FSTL5: variants seen among roughly 807,000 people sequenced by gnomAD.
FSTL5 encodes the protein follistatin like 5.
In FSTL5, 62 loss-of-function variants were observed where a neutral mutation model predicts 89.1. The ratio of observed to expected loss-of-function variants is 0.70; its 90% CI spans 0.57 to 0.86. FSTL5 has a LOEUF of 0.86. FSTL5 is among the 40% of genes least tolerant of loss of function. FSTL5 has a pLI of 0.00. For synonymous variants in FSTL5, 383 were observed against 346.2 expected (o/e 1.11, Z -1.18); for missense variants, 1,057 against 1,001.6 (o/e 1.06, Z -0.75).
intron 6 of FSTL5, among the ~76,000 whole-genome samples, chr4:161,668,466 A>G (rs991489817): frequency 6.6e-6 from 1 of 152,200 alleles, no homozygotes; most frequent in Non-Finnish European, 1.5e-5. Context: ...TCAATCCCCT[A>G]CAATCTCTTT....
chr4:161,912,283 T>C (rs1733715634), intron 4 of FSTL5, among the ~76,000 whole-genome samples: 1 of 152,146 alleles, frequency 6.6e-6, no homozygotes, highest in African/African-American at 2.4e-5. Flanking sequence ...ATGAATATGG[T>C]AAGTGAAATA....
At chr4:161,583,310 T>C (rs984775844) in intron 8 of FSTL5, among the ~76,000 whole-genome samples, 3 of 152,204 alleles carry the variant, frequency 2.0e-5, no homozygotes, top group Non-Finnish European at 2.9e-5. Flanking sequence ...CACAGCCATT[T>C]TGAAGTCACA....
chr4:161,853,031 G>T (rs1206687378), intron 4 of FSTL5, among the ~76,000 whole-genome samples: 1 of 152,116 alleles, frequency 6.6e-6, no homozygotes, highest in African/African-American at 2.4e-5. Context: ...TTCTTGCCTT[G>T]TTCTTCTCTC....
intron 3 of FSTL5, among the ~76,000 whole-genome samples, chr4:161,947,088 T>A (rs1734756235): frequency 2.0e-5 from 3 of 151,876 alleles, no homozygotes; most frequent in Non-Finnish European, 4.4e-5. Context: ...TATACTGAAT[T>A]TTAGAAGTTT....
intron 15 of FSTL5, among the ~76,000 whole-genome samples, chr4:161,449,449 G>C (rs765091528): frequency 6.6e-6 from 1 of 152,124 alleles, no homozygotes; most frequent in African/African-American, 2.4e-5. Context: ...GGTTGGGGGG[G>C]ATAGTTTCAA....
At chr4:162,143,757 A>T (rs1229906445) in intron 1 of FSTL5, among the ~76,000 whole-genome samples, 2 of 134,866 alleles carry the variant, frequency 1.5e-5, no homozygotes, top group African/African-American at 2.6e-5. Flanking sequence ...CACCCAGGAA[A>T]AAAGGTTACA....
intron 3 of FSTL5, among the ~76,000 whole-genome samples, chr4:162,021,965 C>T (rs1049218242): frequency 2.6e-5 from 4 of 151,906 alleles, no homozygotes; most frequent in Admixed American, 1.3e-4. Context: ...GTGGCGGGTG[C>T]CTGTAATCCC....
At chr4:161,435,249 A>C (rs1309597932) in intron 15 of FSTL5, among the ~76,000 whole-genome samples, 1 of 152,168 alleles carries the variant, frequency 6.6e-6, no homozygotes, top group Non-Finnish European at 1.5e-5. Context: ...TATAAAAAAA[A>C]TGAGATATTG....
intron 10 of FSTL5, among the ~76,000 whole-genome samples, chr4:161,524,044 A>G (rs1290186163): frequency 6.6e-6 from 1 of 152,166 alleles, no homozygotes; most frequent in Non-Finnish European, 1.5e-5. Context: ...AACATGCCTC[A>G]TTATACCTCT....
rs1454591420 is a variant in FSTL5 at position 161,385,276 on chromosome 4, T to A, written c.*471A>T. 2 of 154,722 alleles carry A rather than the reference T, an allele frequency of 1.3e-5. No homozygotes were observed. The highest frequency in any genetic ancestry group is 3.8e-4 in the East Asian group (2 of 5,232). The allele number at this position is 154,722 out of a possible 1,614,324, so 9.6% of individuals were successfully genotyped here. A position where few individuals can be genotyped will look rare whatever the true frequency, so the allele number is the denominator to read the frequency against. ...TCCTTTTCCTCCTGTGACATTCCCTTCAAGGCACAAAATATTATAAACAGT... is the reference window on the plus strand; with the variant it reads ...TCCTTTTCCTCCTGTGACATTCCCTACAAGGCACAAAATATTATAAACAGT... On this transcript the variant is annotated 3_prime_UTR_variant, in exon 16 of 16. Transcript: ENST00000306100.
At chr4:161,812,683 G>C (rs1477993461) in intron 4 of FSTL5, among the ~76,000 whole-genome samples, 2 of 151,946 alleles carry the variant, frequency 1.3e-5, no homozygotes, top group Non-Finnish European at 2.9e-5. Flanking sequence ...TGTTGAGCAG[G>C]CTTCCAAAGG....
chr4:162,031,937 C>CA (rs1465631598), intron 3 of FSTL5, among the ~76,000 whole-genome samples: 2 of 151,134 alleles, frequency 1.3e-5, no homozygotes, highest in Admixed American at 6.6e-5. Context: ...GACTCCATGT[C>CA]AAAAAAAGAA....
At chr4:161,479,362 A>G (rs1410463831) in intron 13 of FSTL5, among the ~76,000 whole-genome samples, 2 of 152,146 alleles carry the variant, frequency 1.3e-5, no homozygotes, top group African/African-American at 4.8e-5. Flanking sequence ...AATTATATGA[A>G]TAATAAGTGA....
At position 161,520,353 on chromosome 4, in the gene FSTL5, A is replaced by C. The variant is rs187729896; in HGVS notation, c.1313-9929T>G. On this transcript the variant is annotated intron_variant, in intron 10 of 15. Coordinates refer to ENST00000306100, the MANE Select transcript of FSTL5 (RefSeq NM_020116.5). Reference sequence around the variant, plus strand: ...ATATATATAAGGTTAACATATCAATATAATTGTATTTATAATATAAAATAA... The same window carrying C: ...ATATATATAAGGTTAACATATCAATCTAATTGTATTTATAATATAAAATAA... Among the ~76,000 whole-genome samples, 3 of 151,580 alleles carry C rather than the reference A, an allele frequency of 2.0e-5. No homozygotes were observed. The East Asian group carries it at 5.8e-4, about 29-fold the overall frequency.
intron 3 of FSTL5, among the ~76,000 whole-genome samples, chr4:161,993,525 T>A (rs1736198208): frequency 6.6e-6 from 1 of 152,162 alleles, no homozygotes; most frequent in African/African-American, 2.4e-5. Context: ...ATGTGATAAT[T>A]GTATATATTT....
chr4:162,155,971 C>T (rs1269859500), intron 1 of FSTL5, among the ~76,000 whole-genome samples: 6 of 152,210 alleles, frequency 3.9e-5, no homozygotes, highest in African/African-American at 1.4e-4. Flanking sequence ...CATTTTAAAG[C>T]ATATTTTAAT....
chr4:161,699,402 A>G (rs1040844480), intron 6 of FSTL5, among the ~76,000 whole-genome samples: 1 of 152,198 alleles, frequency 6.6e-6, no homozygotes, highest in Non-Finnish European at 1.5e-5. Flanking sequence ...ATGGGTTCAT[A>G]GTCTTTTCAG....
At chr4:161,796,159 T>A (rs1729626731) in intron 4 of FSTL5, among the ~76,000 whole-genome samples, 1 of 151,982 alleles carries the variant, frequency 6.6e-6, no homozygotes, top group African/African-American at 2.4e-5. Flanking sequence ...TGGATTTAAT[T>A]ATAAGTAGAA....
intron 4 of FSTL5, among the ~76,000 whole-genome samples, chr4:161,863,499 A>G (rs1463572499): frequency 1.3e-5 from 2 of 152,188 alleles, no homozygotes; most frequent in Non-Finnish European, 2.9e-5. Flanking sequence ...GAACATTGCG[A>G]GGCATGATGG....
Sources: allele counts gnomAD v4.1 joint callset (sites outside exome capture counted in the v4.1 genomes callset), GRCh38; gene constraint gnomAD v4.1.1; transcripts MANE v1.5; gene names NCBI Gene and HGNC (gene_info 2026-07-23, HGNC 2026-07-21).